Variants in THADA observed in about 807,000 individuals in gnomAD.
The protein encoded by THADA is tRNA (32-2'-O)-methyltransferase regulator THADA.
A neutral mutation model predicts 219.8 loss-of-function variants in THADA; 213 were observed. That is an observed-to-expected ratio of 0.97 (90% CI 0.87 to 1.09). The LOEUF (loss-of-function observed/expected upper bound fraction) is 1.09, where lower values mean the gene tolerates loss of function less well. THADA is among the 50% of genes least tolerant of loss of function. THADA has a pLI of 0.00. For missense variants in THADA, 2,956 were observed against 2,311.3 expected (o/e 1.28, Z -5.72); for synonymous variants, 1,018 against 828.9 (o/e 1.23, Z -3.92).
At chr2:43,519,730 A>G (rs577750073) in intron 22 of THADA, among the ~76,000 whole-genome samples, 7 of 152,320 alleles carry the variant, frequency 4.6e-5, no homozygotes, top group Non-Finnish European at 8.8e-5. Flanking sequence ...CTTTTGTTGA[A>G]TAATTAAGGA....
chr2:43,425,122 T>TCTAA lies in THADA; in HGVS notation c.4058+2974_4058+2977dup, dbSNP rs149630258. Among the ~76,000 whole-genome samples, 129 of 152,224 alleles carry TCTAA rather than the reference T, an allele frequency of 8.5e-4. 2 individuals are homozygous for TCTAA. The East Asian group carries it at 0.015, about 18-fold the overall frequency. ...ATTTTGGTATAACAGAAAGAGTACA[T>TCTAA]CTAACACCCTTGACAAGCCCTGCAC... On this transcript the variant is annotated intron_variant, in intron 28 of 37. Coordinates refer to ENST00000405975, the MANE Select transcript of THADA (RefSeq NM_022065.5).
Position 43,581,753 on chromosome 2 carries a change from C to G in THADA, c.709G>C (p.Val237Leu). The G allele has an allele frequency of 6.2e-7, 1 of 1,610,228 alleles. No individual in the cohort carries two copies. The highest frequency in any genetic ancestry group is 2.2e-5 in the East Asian group (1 of 44,798). ...MCGLLSIFTKVLSDDDLLQTV... is the reference protein window; with the variant it reads ...MCGLLSIFTKLLSDDDLLQTV... ...TTGTTACACTTACCATCGCTTAAAACCTTGGTAAAAATACTCAGCAATCCA... is the reference window on the plus strand; with the variant it reads ...TTGTTACACTTACCATCGCTTAAAAGCTTGGTAAAAATACTCAGCAATCCA... Residue 237 changes from valine to leucine, a missense_variant, in exon 8 of 38, where the codon GTT becomes CTT. Coordinates refer to ENST00000405975, the MANE Select transcript of THADA (RefSeq NM_022065.5).
chr2:43,475,279 G>C (rs1685379041), intron 26 of THADA, among the ~76,000 whole-genome samples: 1 of 152,024 alleles, frequency 6.6e-6, no homozygotes, highest in African/African-American at 2.4e-5. Flanking sequence ...AGCCAGGCAT[G>C]GTGTCACGCA....
At chr2:43,251,974 C>T (rs1431537083) in intron 36 of THADA, among the ~76,000 whole-genome samples, 1 of 152,220 alleles carries the variant, frequency 6.6e-6, no homozygotes, top group African/African-American at 2.4e-5. Context: ...CCATTCGGGG[C>T]TGTTCCTTCT....
At chr2:43,259,059 TA>T (rs140339610) in intron 36 of THADA, among the ~76,000 whole-genome samples, 4,576 of 152,016 alleles carry the variant, frequency 0.03, 246 homozygotes, top group African/African-American at 0.1. Flanking sequence ...TCTATGGTGT[TA>T]AAAAAAATCT....
At chr2:43,575,149 A>C in intron 10 of THADA, 122 bp from the exon 11 acceptor site, 1 of 778,802 alleles carries the variant, frequency 1.3e-6, no homozygotes, top group South Asian at 2.4e-5. Context: ...TCAATTATTA[A>C]ATTTACAAGA....
Position 43,334,731 on chromosome 2 carries a change from C to T in THADA, c.4343+9391G>A, listed in dbSNP as rs372070867. On this transcript the variant is annotated intron_variant, in intron 30 of 37. Transcript: ENST00000405975. The stretch of plus-strand genomic sequence containing the variant: ...CGGAGCTTGCAGTGAGCCGAGATCG[C>T]GCCACTGCACTCCAGCCTGGGCGAC... 6.6e-5 allele frequency among the ~76,000 whole-genome samples: 10 copies of T among 151,564 alleles called. No homozygotes were observed. The East Asian group carries it at 1.6e-3, about 24-fold the overall frequency.
intron 22 of THADA, among the ~76,000 whole-genome samples, chr2:43,523,872 C>T (rs1005137550): frequency 3.9e-5 from 6 of 152,132 alleles, no homozygotes; most frequent in Non-Finnish European, 7.3e-5. Flanking sequence ...GAATTATAAT[C>T]AATGATTTTA....
In THADA at chr2:43,571,089, C is replaced by G. The variant is rs115265787; in HGVS notation, c.2065-579G>C. On this transcript the variant is annotated intron_variant, in intron 13 of 37. Coordinates refer to ENST00000405975, the MANE Select transcript of THADA (RefSeq NM_022065.5). ...TGGGTAACAGAGCAAGACACTATCTCTAAAAAAAAATTAAATATTAGTCAG... is the reference window on the plus strand; with the variant it reads ...TGGGTAACAGAGCAAGACACTATCTGTAAAAAAAAATTAAATATTAGTCAG... Among the ~76,000 whole-genome samples, 659 of 151,994 alleles carry G rather than the reference C, an allele frequency of 4.3e-3. 2 individuals are homozygous for G. Among genetic ancestry groups the G allele is most frequent in the African/African-American group, 0.015 (629 of 41,454 alleles).
At position 43,344,219 on chromosome 2, in the gene THADA, C is replaced by T. The variant is rs1376168649; in HGVS notation, c.4246G>A (p.Ala1416Thr). ...GTTCCGTGTTTGGAGTCTGAGTAGGCTTGCAACAAATGAAAAACCTAAACC... is the reference window on the plus strand; with the variant it reads ...GTTCCGTGTTTGGAGTCTGAGTAGGTTTGCAACAAATGAAAAACCTAAACC... ...TLLQVFHLLQAYSDSKHGTNS... is the reference protein window; with the variant it reads ...TLLQVFHLLQTYSDSKHGTNS... Residue 1416 changes from alanine to threonine, a missense_variant, in exon 30 of 38, where the codon GCC (alanine) becomes ACC (threonine). Transcript: ENST00000405975. 6.2e-7 allele frequency: 1 copy of T among 1,605,374 alleles called. No homozygotes were observed. The highest frequency in any genetic ancestry group is 8.5e-7 in the Non-Finnish European group (1 of 1,177,010).
intron 4 of THADA, among the ~76,000 whole-genome samples, chr2:43,588,391 A>G (rs1009827023): frequency 1.3e-5 from 2 of 152,156 alleles, no homozygotes; most frequent in African/African-American, 4.8e-5. Flanking sequence ...AGAAATCTAC[A>G]TACACAAAAA....
chr2:43,464,713 C>CA (rs565382721), intron 26 of THADA, among the ~76,000 whole-genome samples: 143 of 152,294 alleles, frequency 9.4e-4, no homozygotes, highest in Non-Finnish European at 1.9e-4. Flanking sequence ...GGCATTCCTA[C>CA]AAACAACAGT....
intron 30 of THADA, 30 bp from the exon 31 acceptor site, chr2:43,320,570 G>A (rs1224263045): frequency 1.3e-6 from 2 of 1,558,590 alleles, no homozygotes; most frequent in South Asian, 2.3e-5. Flanking sequence ...AATATAAATT[G>A]AGATTTTCTC....
rs148312757 is a variant in THADA at position 43,502,211 on chromosome 2, T to C, written c.3622-3256A>G. ...GCCTGGGTGACAGAGCAAGATCCTATCAGTAAAAAATAATAATATGGTTTC... is the reference window on the plus strand; with the variant it reads ...GCCTGGGTGACAGAGCAAGATCCTACCAGTAAAAAATAATAATATGGTTTC... On this transcript the variant is annotated intron_variant, in intron 24 of 37. Coordinates refer to ENST00000405975, the MANE Select transcript of THADA (RefSeq NM_022065.5). Among the ~76,000 whole-genome samples, 491 of 152,276 alleles carry C rather than the reference T, an allele frequency of 3.2e-3. 3 individuals carry two copies. Among genetic ancestry groups the C allele is most frequent in the African/African-American group, 0.011 (477 of 41,554 alleles).
chr2:43,234,319 C>T (rs2104013389), intron 36 of THADA, among the ~76,000 whole-genome samples: 1 of 152,306 alleles, frequency 6.6e-6, no homozygotes, highest in Non-Finnish European at 1.5e-5. Context: ...ATTCAGAGGT[C>T]ACACAGCAGC....
chr2:43,440,151 A>G (rs1290548548), intron 26 of THADA, among the ~76,000 whole-genome samples: 2 of 152,222 alleles, frequency 1.3e-5, no homozygotes, highest in Non-Finnish European at 2.9e-5. Context: ...CAGTGCATAC[A>G]GGTATATACT....
In THADA at chr2:43,571,797, T is replaced by C; in HGVS notation, c.1974A>G (p.Glu658=). The change falls in exon 13 of 38, where the codon GAA becomes GAG. Residue 658 remains glutamate (E), a synonymous_variant. Transcript: ENST00000405975. ...SNRSTEIVSM[E]EMQWIQFFIT... is the part of the protein sequence containing the mutation. ...TAAAGAACTGAATCCACTGCATTTC[T>C]TCCATGGAAACAATTTCTGTGCTCC... 1.9e-6 allele frequency: 3 copies of C among 1,613,992 alleles called. No individual in the cohort carries two copies. Among genetic ancestry groups the C allele is most frequent in the Non-Finnish European group, 2.5e-6 (3 of 1,179,870 alleles).
rs1314477935 is a variant in THADA, at chr2:43,359,020, AGTTT to A, written c.4228-14787_4228-14784del. Among the ~76,000 whole-genome samples, 8 of 152,176 alleles carry A rather than the reference AGTTT, an allele frequency of 5.3e-5. No homozygotes were observed. The South Asian group carries it at 1.0e-3, about 20-fold the overall frequency. On this transcript the variant is annotated intron_variant, in intron 29 of 37. Coordinates refer to ENST00000405975, the MANE Select transcript of THADA (RefSeq NM_022065.5). The stretch of plus-strand genomic sequence containing the variant: ...GGTGGTTGCCCTTCCCCCTCCATCT[AGTTT>A]GTTTGTTCATTTGCCACTCAAAATC...
chr2:43,360,565 T>A (rs1669391886), intron 29 of THADA, among the ~76,000 whole-genome samples: 1 of 152,224 alleles, frequency 6.6e-6, no homozygotes, highest in African/African-American at 2.4e-5. Flanking sequence ...AGGAAACTAA[T>A]AATCTTCCTT....
Sources: allele counts gnomAD v4.1 joint callset (sites outside exome capture counted in the v4.1 genomes callset), GRCh38; gene constraint gnomAD v4.1.1; transcripts MANE v1.5; gene names NCBI Gene and HGNC (gene_info 2026-07-23, HGNC 2026-07-21).